PPP2R1A: variants seen among roughly 807,000 people sequenced by gnomAD.
The protein encoded by PPP2R1A is protein phosphatase 2 scaffold subunit Aalpha.
In PPP2R1A, 15 loss-of-function variants were observed where a neutral mutation model predicts 67.1. The ratio of observed to expected loss-of-function variants is 0.22; its 90% confidence interval spans 0.15 to 0.34. The LOEUF is 0.34. Ranked by LOEUF, PPP2R1A falls within the 10% of genes least tolerant of loss-of-function variation. The pLI is 1.00. For synonymous variants in PPP2R1A, 337 were observed against 325.0 expected (o/e 1.04, Z -0.40); for missense variants, 369 against 775.0 (o/e 0.48, Z 6.22).
At chr19:52,198,773 C>T (rs1362847464) in intron 1 of PPP2R1A, among the ~76,000 whole-genome samples, 2 of 152,176 alleles carry the variant, frequency 1.3e-5, no homozygotes, top group Non-Finnish European at 2.9e-5. Flanking sequence ...CAGTAAGTGA[C>T]AGCCTCACCT....
Position 52,212,805 on chromosome 19 carries a change from T to C in PPP2R1A, c.623T>C (p.Met208Thr), listed in dbSNP as rs2122335777. Residue 208 changes from methionine (M) to threonine (T), a missense_variant, in exon 5 of 15, where the codon ATG (methionine) becomes ACG (threonine). By Grantham distance (81) the Met-to-Thr change is moderately conservative. Coordinates refer to ENST00000322088, the MANE Select transcript of PPP2R1A (RefSeq NM_014225.6). The surrounding 1 kb of genome is among the most constrained non-coding windows in gnomAD (Gnocchi z 4.1). The stretch of plus-strand genomic sequence containing the variant: ...AACGTCAAGAGTGAGATCATCCCCA[T>C]GTTCTCCAACCTGGCCTCTGACGAG... ...LDNVKSEIIPMFSNLASDEQD... is the reference protein window; with the variant it reads ...LDNVKSEIIPTFSNLASDEQD... The C allele has an allele frequency of 6.2e-7, 1 of 1,610,344 alleles. No individual in the cohort carries two copies. Among genetic ancestry groups the C allele is most frequent in the Non-Finnish European group, 8.5e-7 (1 of 1,177,678 alleles).
Position 52,190,142 on chromosome 19 carries a change from C to T in PPP2R1A, c.46C>T (p.Leu16Phe), listed in dbSNP as rs1349678508. Reference protein sequence around the residue: ...GDDSLYPIAVLIDELRNEDVQ... With the variant: ...GDDSLYPIAVFIDELRNEDVQ... ...CGACTCGCTGTACCCCATCGCGGTG[C>T]TCATAGACGAACTCCGCAATGAGGA... Residue 16 changes from leucine to phenylalanine, a missense_variant, in exon 1 of 15, where the codon CTC (leucine) becomes TTC (phenylalanine). Physicochemically the swap from Leu to Phe is conservative, Grantham distance 22. Coordinates refer to ENST00000322088, the MANE Select transcript of PPP2R1A (RefSeq NM_014225.6). The T allele has an allele frequency of 6.4e-7, 1 of 1,550,932 alleles. No individual in the cohort carries two copies.
chr19:52,206,483 A>G (rs2089603372), intron 3 of PPP2R1A, among the ~76,000 whole-genome samples: 1 of 152,202 alleles, frequency 6.6e-6, no homozygotes, highest in African/African-American at 2.4e-5. Flanking sequence ...GGCACTTAGT[A>G]GGTACTAACC....
chr19:52,211,509 T>G lies in PPP2R1A; in HGVS notation c.503+17T>G. ...ACTTCGACAGTGAGTCTCTGCCTCC[T>G]TGGAAGCTCCAAGCTCCCATCTCAG... On this transcript the variant is annotated intron_variant, in intron 4 of 14. Transcript: ENST00000322088. The surrounding 1 kb of genome is among the most constrained non-coding windows in gnomAD (Gnocchi z 5.3). The G allele has an allele frequency of 6.3e-7, 1 of 1,593,722 alleles. No homozygotes were observed. Among genetic ancestry groups the G allele is most frequent in the South Asian group, 1.1e-5 (1 of 89,034 alleles).
chr19:52,195,322 A>G (rs2089488243), intron 1 of PPP2R1A, among the ~76,000 whole-genome samples: 1 of 152,126 alleles, frequency 6.6e-6, no homozygotes, highest in Admixed American at 6.5e-5. Context: ...ACTCTTTGGA[A>G]AATCCCAATT....
chr19:52,195,057 A>G lies in PPP2R1A; in HGVS notation c.78+4883A>G, dbSNP rs535871039. ...GCCTTGTAGGCCAGAGTAAGGCCTT[A>G]GCTTTTATTCTGAATGTGCAGGGAA... On this transcript the variant is annotated intron_variant, in intron 1 of 14. Coordinates refer to ENST00000322088, the MANE Select transcript of PPP2R1A (RefSeq NM_014225.6). 2.0e-5 allele frequency among the ~76,000 whole-genome samples: 3 copies of G among 152,286 alleles called. No homozygotes were observed. In the South Asian group the frequency reaches 6.2e-4, roughly 32 times the overall value.
At chr19:52,205,332 C>CT (rs2089591193) in intron 2 of PPP2R1A, among the ~76,000 whole-genome samples, 3 of 152,112 alleles carry the variant, frequency 2.0e-5, no homozygotes, top group Non-Finnish European at 4.4e-5. Flanking sequence ...TTTCAGCAAA[C>CT]CTGAATTGCT....
In PPP2R1A at chr19:52,211,510, T is replaced by C; in HGVS notation, c.503+18T>C. 6.3e-7 allele frequency: 1 copy of C among 1,593,200 alleles called. No individual in the cohort carries two copies. ...CTTCGACAGTGAGTCTCTGCCTCCT[T>C]GGAAGCTCCAAGCTCCCATCTCAGC... On this transcript the variant is annotated intron_variant, in intron 4 of 14. Coordinates refer to ENST00000322088, the MANE Select transcript of PPP2R1A (RefSeq NM_014225.6). This position sits in a 1 kb window ranked among gnomAD's most constrained non-coding sequence, Gnocchi z 5.3.
At chr19:52,222,034 G>A (rs1159443769) in intron 12 of PPP2R1A, 65 bp from the exon 13 acceptor site, 6 of 1,489,682 alleles carry the variant, frequency 4.0e-6, no homozygotes, top group Non-Finnish European at 3.6e-6. Context: ...CTGGTCAGAG[G>A]CAGCAGGAAA....
chr19:52,193,610 G>C (rs971819025), intron 1 of PPP2R1A, among the ~76,000 whole-genome samples: 3 of 152,016 alleles, frequency 2.0e-5, no homozygotes, highest in Non-Finnish European at 4.4e-5. Flanking sequence ...TTTTGAGACA[G>C]AGTCTCACTC....
intron 6 of PPP2R1A, among the ~76,000 whole-genome samples, chr19:52,214,057 G>A (rs1323055946): frequency 6.6e-6 from 1 of 152,164 alleles, no homozygotes; most frequent in African/African-American, 2.4e-5. Flanking sequence ...ACAGACAGAT[G>A]TGGGGCCTTG....
intron 3 of PPP2R1A, among the ~76,000 whole-genome samples, chr19:52,207,024 A>G (rs971248012): frequency 1.3e-5 from 2 of 152,228 alleles, no homozygotes; most frequent in Non-Finnish European, 2.9e-5. Flanking sequence ...TTGAGTAAAT[A>G]TAACAATTTG....
At chr19:52,202,331 T>A (rs1323298171) in intron 2 of PPP2R1A, among the ~76,000 whole-genome samples, 1 of 152,240 alleles carries the variant, frequency 6.6e-6, no homozygotes, top group African/African-American at 2.4e-5. Flanking sequence ...TTCTTATATT[T>A]TTCATCTGTA....
At chr19:52,205,864 T>C (rs2089596495) in intron 2 of PPP2R1A, 99 bp from the exon 3 acceptor site, 4 of 967,132 alleles carry the variant, frequency 4.1e-6, no homozygotes, top group South Asian at 1.4e-5. Context: ...AACTGAGTGC[T>C]GACAGCCTGA....
chr19:52,222,518 G>A (rs1979001472), intron 13 of PPP2R1A: 2 of 305,612 alleles, frequency 6.5e-6, no homozygotes, highest in Non-Finnish European at 1.2e-5. Flanking sequence ...GTAAGTATGT[G>A]TATAATTTAT....
intron 2 of PPP2R1A, among the ~76,000 whole-genome samples, chr19:52,203,298 T>C (rs1261328837): frequency 2.6e-5 from 4 of 152,182 alleles, no homozygotes; most frequent in South Asian, 2.1e-4. Flanking sequence ...CGTATGACAC[T>C]GAACAAATGG....
At chr19:52,225,175 G>C (rs770719158) in intron 13 of PPP2R1A, among the ~76,000 whole-genome samples, 6 of 151,534 alleles carry the variant, frequency 4.0e-5, no homozygotes, top group African/African-American at 1.5e-4. Context: ...GCACCACCAC[G>C]CCCTGCTAAT....
At position 52,211,473 on chromosome 19, in the gene PPP2R1A, G is replaced by A. The variant is rs146859239; in HGVS notation, c.484G>A (p.Val162Met). The A allele has an allele frequency of 9.9e-5, 159 of 1,610,064 alleles. No homozygotes were observed. The African/African-American group carries it at 1.9e-3, about 20-fold the overall frequency. Residue 162 changes from valine to methionine, a missense_variant, in exon 4 of 15, where the codon GTG (valine) becomes ATG (methionine). Val to Met is a conservative substitution (Grantham distance 21, BLOSUM62 1). Coordinates refer to ENST00000322088, the MANE Select transcript of PPP2R1A (RefSeq NM_014225.6). This position sits in a 1 kb window ranked among gnomAD's most constrained non-coding sequence, Gnocchi z 5.3. ...SVCYPRVSSAVKAELRQYFRN... is the reference protein window; with the variant it reads ...SVCYPRVSSAMKAELRQYFRN... ...CTGCTACCCCCGAGTGTCCAGTGCT[G>A]TGAAGGCGGAACTTCGACAGTGAGT... is the stretch of plus-strand genomic sequence containing the variant.
At chr19:52,217,221 T>C (rs1978631924) in intron 9 of PPP2R1A, among the ~76,000 whole-genome samples, 1 of 152,198 alleles carries the variant, frequency 6.6e-6, no homozygotes, top group East Asian at 1.9e-4. Flanking sequence ...TGTTTTGAGA[T>C]AGGGTCTTGC....
Sources: allele counts gnomAD v4.1 joint callset (sites outside exome capture counted in the v4.1 genomes callset), GRCh38; gene constraint gnomAD v4.1.1; non-coding constraint Gnocchi (gnomAD v3.1); transcripts MANE v1.5; gene names NCBI Gene and HGNC (gene_info 2026-07-23, HGNC 2026-07-21).